The following DNAH7 variants were observed in gnomAD, a reference collection of about 807,000 sequenced individuals.
DNAH7 encodes the protein axonemal beta dynein heavy chain 7.
DNAH7 carries 397 observed loss-of-function variants against 444.6 expected under a neutral mutation model. The ratio of observed to expected loss-of-function variants is 0.89; its 90% CI spans 0.82 to 0.97. The LOEUF is 0.97. DNAH7 is among the 50% of genes least tolerant of loss of function. The pLI is 0.00. For missense variants in DNAH7, 4,902 were observed against 4,800.8 expected (o/e 1.02, Z -0.62); for synonymous variants, 1,636 against 1,624.4 (o/e 1.01, Z -0.17).
chr2:195,844,851 A>G lies in DNAH7; in HGVS notation c.8945+151T>C, dbSNP rs541941588. ...ACTCAACTATTATAATATTAATAAG[A>G]GAAGGAAGTGATTACTCATACTTAA... On this transcript the variant is annotated intron_variant, in intron 47 of 64. Transcript: ENST00000312428. 4.9e-4 allele frequency: 298 copies of G among 613,516 alleles called. 2 individuals carry two copies. Among genetic ancestry groups the G allele is most frequent in the Admixed American group, 5.9e-4 (19 of 32,144 alleles). 38.0% of individuals were successfully genotyped at this position (613,516 alleles called of 1,614,324 possible).
rs117074584 is a variant in DNAH7 at position 195,794,350 on chromosome 2, G to A, written c.10704C>T (p.Ser3568=). The change falls in exon 57 of 65, where the codon AGC becomes AGT. Residue 3568 remains serine (S), a synonymous_variant. Coordinates refer to ENST00000312428, the MANE Select transcript of DNAH7 (RefSeq NM_018897.3). Reference sequence around the variant, plus strand: ...AACCATTACTAACAGGCTTTTTGCAGCTGCCAAAGAACTCCGGATCAGAGA... The same window carrying A: ...AACCATTACTAACAGGCTTTTTGCAACTGCCAAAGAACTCCGGATCAGAGA... ...DPISDPEFFG[S]CKKPEEFKKL... is the part of the protein sequence containing the mutation. The A allele has an allele frequency of 1.0e-4, 163 of 1,614,084 alleles. No homozygotes were observed. The East Asian group carries it at 3.6e-3, about 36-fold the overall frequency.
chr2:196,027,880 G>T, intron 6 of DNAH7, 80 bp downstream of exon 6: 1 of 1,275,084 alleles, frequency 7.8e-7, no homozygotes, highest in Non-Finnish European at 1.1e-6. Flanking sequence ...GAGAAGCACA[G>T]AGTGGTCTCC....
At chr2:195,932,710 C>G (rs1481582517) in intron 21 of DNAH7, among the ~76,000 whole-genome samples, 1 of 152,112 alleles carries the variant, frequency 6.6e-6, no homozygotes, top group East Asian at 1.9e-4. Flanking sequence ...TGTTTATATG[C>G]TGGATTACAT....
intron 3 of DNAH7, 109 bp downstream of exon 3, chr2:196,051,078 G>A (rs1697435343): frequency 1.0e-6 from 1 of 976,024 alleles, no homozygotes; most frequent in African/African-American, 1.6e-5. Flanking sequence ...TTCTCCATCA[G>A]AAAAGAATCA....
chr2:195,857,382 A>C lies in DNAH7; in HGVS notation c.8409T>G (p.Tyr2803Ter), dbSNP rs377538802. ...LCKWVIAMDS[Y>*]DKVAKIVAPK... The stretch of plus-strand genomic sequence containing the variant: ...TTCTTTTTATCAGCACTTACTTATC[A>C]TATGAATCCATTGCTATGACCCATT... Residue 2803 changes from tyrosine to a stop codon, truncating the protein, a stop_gained, in exon 44 of 65, where the codon TAT becomes TAG. Transcript: ENST00000312428. LOFTEE classifies it high-confidence loss of function. The C allele has an allele frequency of 1.3e-6, 2 of 1,567,452 alleles. No individual in the cohort carries two copies. The highest frequency in any genetic ancestry group is 1.7e-6 in the Non-Finnish European group (2 of 1,163,076).
At chr2:195,979,028 A>T (rs577729645) in intron 15 of DNAH7, among the ~76,000 whole-genome samples, 1 of 152,296 alleles carries the variant, frequency 6.6e-6, no homozygotes, top group East Asian at 1.9e-4. Flanking sequence ...CATACAAAAA[A>T]GGATTGTATG....
chr2:195,790,228 T>C (rs113910625), intron 57 of DNAH7, among the ~76,000 whole-genome samples: 259 of 152,208 alleles, frequency 1.7e-3, no homozygotes, highest in African/African-American at 6.1e-3. Flanking sequence ...GAAGAATCAA[T>C]ACTGTTAAAA....
intron 51 of DNAH7, among the ~76,000 whole-genome samples, chr2:195,814,140 T>C (rs536592082): frequency 5.3e-5 from 8 of 152,350 alleles, no homozygotes; most frequent in African/African-American, 1.9e-4. Context: ...TGCTCACTTA[T>C]GAGAATTCAC....
chr2:195,883,459 C>G (rs891525842), intron 35 of DNAH7, among the ~76,000 whole-genome samples: 18 of 148,764 alleles, frequency 1.2e-4, no homozygotes, highest in South Asian at 4.3e-4. Flanking sequence ...GCTCCCCCCC[C>G]CCAAAAAAAA....
intron 17 of DNAH7, among the ~76,000 whole-genome samples, chr2:195,969,535 CTTATT>C (rs2125565329): frequency 1.3e-5 from 2 of 152,142 alleles, no homozygotes; most frequent in South Asian, 4.1e-4. Flanking sequence ...AATAATGGAC[CTTATT>C]TTAAAACAAG....
intron 33 of DNAH7, among the ~76,000 whole-genome samples, chr2:195,886,588 C>T (rs529769597): frequency 1.4e-4 from 22 of 152,154 alleles, no homozygotes; most frequent in Admixed American, 7.2e-4. Context: ...ATTTCAGAGA[C>T]GGCAGTTAAT....
intron 5 of DNAH7, among the ~76,000 whole-genome samples, chr2:196,029,971 C>T (rs1695942962): frequency 6.6e-6 from 1 of 151,806 alleles, no homozygotes. Flanking sequence ...TAATTTTAAC[C>T]CATTAATTAT....
chr2:195,819,449 C>T (rs746173125), intron 49 of DNAH7, among the ~76,000 whole-genome samples: 14 of 152,138 alleles, frequency 9.2e-5, no homozygotes, highest in Non-Finnish European at 1.8e-4. Context: ...CATAGAGTTG[C>T]TCTCTGCTAC....
Position 195,972,348 on chromosome 2 carries a change from C to T in DNAH7, c.1952G>A (p.Arg651Lys). Reference protein sequence around the residue: ...EYVNFSPADMRLNNSVFQWYG... With the variant: ...EYVNFSPADMKLNNSVFQWYG... ...CCACTGGAAAACACTATTATTTAGC[C>T]TCATGTCTGCTGGAGAAAAGTTGAC... Residue 651 changes from arginine to lysine, a missense_variant, in exon 16 of 65, where the codon AGG becomes AAG. Transcript: ENST00000312428. 1 of 1,614,016 alleles carries T rather than the reference C, an allele frequency of 6.2e-7. No individual in the cohort carries two copies. The highest frequency in any genetic ancestry group is 8.5e-7 in the Non-Finnish European group (1 of 1,179,996).
chr2:196,003,200 C>G (rs1459419734), intron 10 of DNAH7, among the ~76,000 whole-genome samples: 1 of 148,608 alleles, frequency 6.7e-6, no homozygotes, highest in Non-Finnish European at 1.5e-5. Context: ...ATGAGGAAGG[C>G]CCTGAGAGAA....
chr2:196,015,165 A>G (rs1272008108), intron 9 of DNAH7, among the ~76,000 whole-genome samples: 1 of 152,144 alleles, frequency 6.6e-6, no homozygotes, highest in African/African-American at 2.4e-5. Context: ...ATGGGAGCCC[A>G]TTTCTTCAAG....
intron 19 of DNAH7, among the ~76,000 whole-genome samples, chr2:195,949,095 A>G (rs953096459): frequency 6.6e-6 from 1 of 152,042 alleles, no homozygotes; most frequent in Admixed American, 6.6e-5. Flanking sequence ...CTGTTTGTCT[A>G]TTATTGGTAT....
chr2:196,012,874 T>G lies in DNAH7; in HGVS notation c.902A>C (p.His301Pro). 2 of 1,526,216 alleles carry G rather than the reference T, an allele frequency of 1.3e-6. No homozygotes were observed. Among genetic ancestry groups the G allele is most frequent in the Non-Finnish European group, 8.8e-7 (1 of 1,138,310 alleles). 94.5% of individuals were successfully genotyped at this position (1,526,216 alleles called of 1,614,324 possible). A position where few individuals can be genotyped will look rare whatever the true frequency, so the allele number is the denominator to read the frequency against. Reference sequence around the variant, plus strand: ...CAGCTCTAATGCATCCTGGCAATTATGAAATTCTTTGATATCAACTAAACG... The same window carrying G: ...CAGCTCTAATGCATCCTGGCAATTAGGAAATTCTTTGATATCAACTAAACG... ...KLRLVDIKEF[H>P]NCQDALELSS... Residue 301 changes from histidine to proline, a missense_variant, in exon 10 of 65, where the codon CAT becomes CCT. Transcript: ENST00000312428.
intron 5 of DNAH7, among the ~76,000 whole-genome samples, chr2:196,046,749 T>C (rs1697153012): frequency 6.6e-6 from 1 of 150,948 alleles, no homozygotes. Context: ...CAGGGTCCTG[T>C]GAGTGAGTTA....
Sources: allele counts gnomAD v4.1 joint callset (sites outside exome capture counted in the v4.1 genomes callset), GRCh38; gene constraint gnomAD v4.1.1; transcripts MANE v1.5; gene names NCBI Gene and HGNC (gene_info 2026-07-23, HGNC 2026-07-21).